Variants in TSPAN5 observed in about 807,000 individuals in gnomAD.
TSPAN5 encodes the protein tetraspanin-5.
TSPAN5 carries 10 observed loss-of-function variants against 37.1 expected under a neutral mutation model. That is an observed-to-expected ratio of 0.27 (90% CI 0.17 to 0.46). TSPAN5 has a LOEUF of 0.46. Ranked by LOEUF, TSPAN5 falls within the 20% of genes least tolerant of loss-of-function variation. TSPAN5 has a pLI of 1.00. For missense variants in TSPAN5, 195 were observed against 326.6 expected (o/e 0.60, Z 3.11); for synonymous variants, 110 against 118.9 (o/e 0.93, Z 0.48).
chr4:98,507,152 CA>C (rs1229451065), intron 2 of TSPAN5, among the ~76,000 whole-genome samples: 3 of 152,202 alleles, frequency 2.0e-5, no homozygotes, highest in Non-Finnish European at 4.4e-5. Flanking sequence ...AGCAGCCAAA[CA>C]TTCCCATTAT....
At chr4:98,620,731 T>C (rs189565073) in intron 1 of TSPAN5, among the ~76,000 whole-genome samples, 15 of 152,204 alleles carry the variant, frequency 9.9e-5, no homozygotes, top group Non-Finnish European at 1.6e-4. Context: ...AGAGGGAGTG[T>C]GGCTGGCACA....
At chr4:98,655,294 ACTACTT>A (rs1461140548) in intron 1 of TSPAN5, among the ~76,000 whole-genome samples, 1 of 152,212 alleles carries the variant, frequency 6.6e-6, no homozygotes, top group African/African-American at 2.4e-5. Context: ...CCTGGTATAT[ACTACTT>A]CTGTTATAAA....
chr4:98,578,756 T>C (rs948622675), intron 1 of TSPAN5, among the ~76,000 whole-genome samples: 8 of 152,096 alleles, frequency 5.3e-5, no homozygotes, highest in Non-Finnish European at 5.9e-5. Context: ...TCTGTGCAAA[T>C]TGTCTTTGGC....
intron 2 of TSPAN5, among the ~76,000 whole-genome samples, chr4:98,493,431 A>G (rs1753128807): frequency 6.6e-6 from 1 of 152,194 alleles, no homozygotes; most frequent in Non-Finnish European, 1.5e-5. Flanking sequence ...AGGATAAATG[A>G]GTGAGAAGCA....
intron 1 of TSPAN5, among the ~76,000 whole-genome samples, chr4:98,588,940 A>G (rs1379173067): frequency 6.6e-6 from 1 of 152,210 alleles, no homozygotes; most frequent in Non-Finnish European, 1.5e-5. Context: ...TAACAACCCT[A>G]GAAAGCTGGC....
chr4:98,498,921 C>T (rs1753278786), intron 2 of TSPAN5, among the ~76,000 whole-genome samples: 1 of 152,080 alleles, frequency 6.6e-6, no homozygotes, highest in Non-Finnish European at 1.5e-5. Context: ...ATGAGTATGT[C>T]CTGGAGAAAA....
In TSPAN5 at chr4:98,475,908, T is replaced by C. The variant is rs191100312; in HGVS notation, c.741+281A>G. Among the ~76,000 whole-genome samples, 1,457 of 152,004 alleles carry C rather than the reference T, an allele frequency of 9.6e-3. 38 individuals carry two copies. Among genetic ancestry groups the C allele is most frequent in the African/African-American group, 0.033 (1,362 of 41,454 alleles). ...GGGAGGCTGAGGCAGGAGAATGGCA[T>C]GAACCCAAGAGGCGGAGCTTTCAGT... On this transcript the variant is annotated intron_variant, in intron 7 of 7. Transcript: ENST00000305798.
intron 1 of TSPAN5, among the ~76,000 whole-genome samples, chr4:98,515,059 G>A (rs951078925): frequency 3.9e-5 from 6 of 152,160 alleles, no homozygotes; most frequent in African/African-American, 7.2e-5. Context: ...ACACAAAAGA[G>A]GTGAAGGAGT....
intron 2 of TSPAN5, among the ~76,000 whole-genome samples, chr4:98,505,307 G>A (rs75603568): frequency 0.053 from 8,064 of 152,080 alleles, 542 homozygotes; most frequent in African/African-American, 0.13. Context: ...CAAACTTCTT[G>A]CAGGACTCTG....
Position 98,658,092 on chromosome 4 carries a change from C to A in TSPAN5, c.81+54G>T, listed in dbSNP as rs1757328836. 3.4e-6 allele frequency: 5 copies of A among 1,491,308 alleles called. No individual in the cohort carries two copies. The Admixed American group carries it at 6.7e-5, about 20-fold the overall frequency. 92.4% of individuals were successfully genotyped at this position (1,491,308 alleles called of 1,614,324 possible). ...AGGCAACGAACAACGTGGGGGAAAT[C>A]GTCGCGAATCGATCGGCCACAATAG... On this transcript the variant is annotated intron_variant, in intron 1 of 7. Transcript: ENST00000305798.
chr4:98,645,690 T>C (rs890572269), intron 1 of TSPAN5, among the ~76,000 whole-genome samples: 20 of 152,172 alleles, frequency 1.3e-4, no homozygotes, highest in African/African-American at 4.8e-4. Context: ...TGAAATCAGC[T>C]AGTGGAGGTC....
rs1018712475 is a variant in TSPAN5, at chr4:98,548,468, T to C, written c.82-40740A>G. 2.6e-5 allele frequency among the ~76,000 whole-genome samples: 4 copies of C among 152,196 alleles called. No individual in the cohort carries two copies. In the East Asian group the frequency reaches 5.8e-4, roughly 22 times the overall value. On this transcript the variant is annotated intron_variant, in intron 1 of 7. Coordinates refer to ENST00000305798, the MANE Select transcript of TSPAN5 (RefSeq NM_005723.4). ...GAGAAAAGAGATCCGTACACAGTTA[T>C]ATGCTAAATTACATGGTACCAGCTA... is the stretch of plus-strand genomic sequence containing the variant.
chr4:98,617,725 T>C (rs1428307158), intron 1 of TSPAN5, among the ~76,000 whole-genome samples: 1 of 152,210 alleles, frequency 6.6e-6, no homozygotes, highest in Non-Finnish European at 1.5e-5. Context: ...CTGTTGTTAT[T>C]GTACCACACA....
At chr4:98,539,021 C>T (rs1180331900) in intron 1 of TSPAN5, among the ~76,000 whole-genome samples, 1 of 151,922 alleles carries the variant, frequency 6.6e-6, no homozygotes, top group East Asian at 1.9e-4. Flanking sequence ...CCTCTGTTAT[C>T]TGTAACAGTT....
intron 1 of TSPAN5, among the ~76,000 whole-genome samples, chr4:98,605,868 T>C (rs1406994254): frequency 1.3e-5 from 2 of 152,234 alleles, no homozygotes; most frequent in Admixed American, 6.5e-5. Context: ...CACCTCCCTG[T>C]AGCTCCTCTC....
intron 3 of TSPAN5, 194 bp downstream of exon 3, chr4:98,486,544 T>A: frequency 9.0e-6 from 5 of 552,980 alleles, no homozygotes; most frequent in Admixed American, 3.4e-5. Context: ...GTGGTGGGGG[T>A]GGTGTTGTAC....
At chr4:98,647,075 A>G (rs1253084299) in intron 1 of TSPAN5, among the ~76,000 whole-genome samples, 1 of 152,198 alleles carries the variant, frequency 6.6e-6, no homozygotes, top group Non-Finnish European at 1.5e-5. Context: ...CTCAAAGTCT[A>G]AACTCCTTAA....
intron 1 of TSPAN5, among the ~76,000 whole-genome samples, chr4:98,591,136 G>A (rs1755625032): frequency 6.7e-6 from 1 of 149,072 alleles, no homozygotes; most frequent in Admixed American, 6.7e-5. Context: ...TTTTTAGGTA[G>A]GAAGTTCTAA....
At chr4:98,570,430 T>C (rs1755093831) in intron 1 of TSPAN5, among the ~76,000 whole-genome samples, 1 of 152,246 alleles carries the variant, frequency 6.6e-6, no homozygotes, top group Non-Finnish European at 1.5e-5. Context: ...TTTCATCATC[T>C]GGCACAAAGT....
Sources: gnomAD v4.1 joint callset for allele counts (sites outside exome capture counted in the v4.1 genomes callset) on GRCh38, gnomAD v4.1.1 for gene constraint, MANE v1.5 for transcripts, NCBI Gene and HGNC (gene_info 2026-07-23, HGNC 2026-07-21) for gene names.